Variants in HIP1 observed in about 807,000 individuals in gnomAD.
HIP1 encodes huntingtin-interacting protein 1.
HIP1 carries 65 observed loss-of-function variants against 147.6 expected under a neutral mutation model. That is an observed-to-expected ratio of 0.44 (90% CI 0.36 to 0.54). HIP1 has a LOEUF of 0.54. HIP1 is among the 20% of genes least tolerant of loss of function. The pLI is 0.00. For synonymous variants in HIP1, 479 were observed against 504.0 expected, an observed-to-expected ratio of 0.95 and a Z score of 0.67; for missense variants, 1,061 against 1,299.6, an observed-to-expected ratio of 0.82 and a Z score of 2.82.
chr7:75,621,921 C>G (rs587725690), intron 1 of HIP1, among the ~76,000 whole-genome samples: 52 of 152,248 alleles, frequency 3.4e-4, no homozygotes, highest in African/African-American at 1.2e-3. Flanking sequence ...TTAGACATGA[C>G]ACACCCACCA....
chr7:75,541,510 G>A lies in HIP1; in HGVS notation c.2952+409C>T, dbSNP rs782185092. On this transcript the variant is annotated intron_variant, in intron 29 of 30. Coordinates refer to ENST00000336926, the MANE Select transcript of HIP1 (RefSeq NM_005338.7). ...CACACCACTGCACTCCAGCCTGGGC[G>A]ACAGAGCAAGACTCCGTCTCAAAAA... 3.3e-5 allele frequency among the ~76,000 whole-genome samples: 5 copies of A among 149,600 alleles called. 1 individual carries two copies. Among genetic ancestry groups the A allele is most frequent in the African/African-American group, 1.2e-4 (5 of 40,534 alleles).
intron 1 of HIP1, among the ~76,000 whole-genome samples, chr7:75,664,676 A>G: frequency 6.6e-6 from 1 of 151,844 alleles, no homozygotes; most frequent in East Asian, 1.9e-4. Flanking sequence ...GCTGGAGTGC[A>G]GTAGTACAAT....
chr7:75,694,128 C>T, intron 1 of HIP1, among the ~76,000 whole-genome samples: 1 of 152,020 alleles, frequency 6.6e-6, no homozygotes, highest in East Asian at 1.9e-4. Context: ...CCATGTTGGC[C>T]AGGCTTGTTT....
At position 75,556,113 on chromosome 7, in the gene HIP1, C is replaced by G. The variant is rs144554017; in HGVS notation, c.1740G>C (p.Leu580=). 6 of 1,614,064 alleles carry G rather than the reference C, an allele frequency of 3.7e-6. No individual in the cohort carries two copies. In the African/African-American group the frequency reaches 5.3e-5, roughly 14 times the overall value. ...FAELEKERDS[L]VSGAAHREEE... ...CCTCCCTATGAGCTGCGCCACTCAC[C>G]AGGCTGTCCCGCTCCTTCTCTAGCT... The change falls in exon 18 of 31, where the codon CTG becomes CTC. Residue 580 remains leucine (L), a synonymous_variant. Coordinates refer to ENST00000336926, the MANE Select transcript of HIP1 (RefSeq NM_005338.7).
chr7:75,641,488 G>A (rs1584912493), intron 1 of HIP1, among the ~76,000 whole-genome samples: 1 of 110,886 alleles, frequency 9.0e-6, no homozygotes, highest in African/African-American at 4.1e-5. Context: ...TTTGCTCCTT[G>A]TTTGCTTTTT....
intron 16 of HIP1, among the ~76,000 whole-genome samples, 169 bp downstream of exon 16, chr7:75,557,485 T>G (rs1244434882): frequency 6.6e-6 from 1 of 152,194 alleles, no homozygotes; most frequent in African/African-American, 2.4e-5. Context: ...ACTTCGTGTA[T>G]GCACTGGTGA....
At chr7:75,658,722 C>G (rs1554513144) in intron 1 of HIP1, among the ~76,000 whole-genome samples, 1 of 151,882 alleles carries the variant, frequency 6.6e-6, no homozygotes, top group African/African-American at 2.4e-5. Flanking sequence ...TCCAGACCAG[C>G]CTGGCAACGC....
chr7:75,688,463 C>A (rs943997114), intron 1 of HIP1, among the ~76,000 whole-genome samples: 6 of 151,354 alleles, frequency 4.0e-5, no homozygotes, highest in African/African-American at 9.7e-5. Flanking sequence ...AGCCCCTCGA[C>A]GGGTGGGGGA....
At position 75,537,836 on chromosome 7, in the gene HIP1, T is replaced by G. The variant is rs1584764570; in HGVS notation, c.*336A>C. The G allele has an allele frequency of 2.9e-6, 1 of 341,450 alleles. No individual in the cohort carries two copies. The highest frequency in any genetic ancestry group is 5.4e-6 in the Non-Finnish European group (1 of 184,960). The allele number at this position is 341,450 out of a possible 1,614,324, so 21.2% of individuals were successfully genotyped here. On this transcript the variant is annotated 3_prime_UTR_variant, in exon 31 of 31. Coordinates refer to ENST00000336926, the MANE Select transcript of HIP1 (RefSeq NM_005338.7). ...TTAAGGATACCCATTGTTGTGGGGG[T>G]CAAATAGTCAGCAGGACTGGATGTT... is the stretch of plus-strand genomic sequence containing the variant.
chr7:75,727,271 T>A (rs1801679163), intron 1 of HIP1, among the ~76,000 whole-genome samples: 1 of 151,862 alleles, frequency 6.6e-6, no homozygotes, highest in African/African-American at 2.4e-5. Flanking sequence ...AGTTTTTGTA[T>A]TTTTTGTACA....
chr7:75,710,577 A>T (rs1193065667), intron 1 of HIP1, among the ~76,000 whole-genome samples: 1 of 152,182 alleles, frequency 6.6e-6, no homozygotes, highest in Admixed American at 6.6e-5. Flanking sequence ...CTTGAGAAGA[A>T]CTGGTGTTAG....
rs782057128 is a variant in HIP1, at chr7:75,736,064, T to TC, written c.120+2736_120+2737insG. Among the ~76,000 whole-genome samples the TC allele has an allele frequency of 3.4e-3, 488 of 143,928 alleles. 7 individuals carry two copies. Among genetic ancestry groups the TC allele is most frequent in the Admixed American group, 0.017 (247 of 14,214 alleles). The allele number at this position is 143,928 out of a possible 152,430, so 94.4% of individuals were successfully genotyped here. ...GGGAAAACACAGTGAGACCTCCGTC[T>TC]TAAAAAAAAAAAAAGTTAAAAATAA... On this transcript the variant is annotated intron_variant, in intron 1 of 30. Coordinates refer to ENST00000336926, the MANE Select transcript of HIP1 (RefSeq NM_005338.7).
Position 75,563,262 on chromosome 7 carries a change from A to G in HIP1, c.805T>C (p.Leu269=), listed in dbSNP as rs187769055. 20 of 1,614,122 alleles carry G rather than the reference A, an allele frequency of 1.2e-5. No homozygotes were observed. Among genetic ancestry groups the G allele is most frequent in the Admixed American group, 5.0e-5 (3 of 60,022 alleles). Residue 269 remains leucine (L), a splice_region_variant and synonymous_variant, in exon 10 of 31, where the codon TTG becomes CTG. Transcript: ENST00000336926. ...CTGGAGCGGTAGAACAGATCTTTCA[A>G]CCTAGGGGTGGAGAAGGACCTGAGG... ...RDRFMEQFTK[L]KDLFYRSSNL... is the part of the protein sequence containing the mutation.
chr7:75,586,953 TATTTA>T, intron 4 of HIP1, 120 bp from the exon 5 acceptor site: 1 of 696,824 alleles, frequency 1.4e-6, no homozygotes, highest in East Asian at 2.8e-5. Flanking sequence ...TTATTTTATT[TATTTA>T]GAGATGGGGT....
At chr7:75,663,921 T>G in intron 1 of HIP1, among the ~76,000 whole-genome samples, 1 of 136,950 alleles carries the variant, frequency 7.3e-6, no homozygotes, top group Non-Finnish European at 1.6e-5. Flanking sequence ...CTTCCATTAT[T>G]TTATGTATGT....
chr7:75,599,301 G>C (rs587648305), intron 1 of HIP1, 54 bp from the exon 2 acceptor site: 1 of 1,346,714 alleles, frequency 7.4e-7, no homozygotes, highest in Admixed American at 1.7e-5. Context: ...AAGCCTCTGA[G>C]AGTGGCTGAG....
intron 1 of HIP1, among the ~76,000 whole-genome samples, chr7:75,612,041 C>G (rs1797456835): frequency 6.6e-6 from 1 of 152,246 alleles, no homozygotes. Context: ...ATACACACAG[C>G]TCTTGGCAGA....
chr7:75,545,801 G>C (rs587691343), intron 25 of HIP1, among the ~76,000 whole-genome samples: 1 of 149,458 alleles, frequency 6.7e-6, no homozygotes, highest in East Asian at 2.0e-4. Flanking sequence ...AAAATTAGCT[G>C]GGCGTGGTGT....
Position 75,533,839 on chromosome 7 carries a change from TGC to T in HIP1, c.*4331_*4332del, listed in dbSNP as rs1793987576. On this transcript the variant is annotated 3_prime_UTR_variant, in exon 31 of 31. Transcript: ENST00000336926. The stretch of plus-strand genomic sequence containing the variant: ...TTTGGCAGCAAACAGCTGGCTGGTT[TGC>T]TGCGCCGATGGCTGGCAGGTCCGTG... 1 of 235,612 alleles carries T rather than the reference TGC, an allele frequency of 4.2e-6. No individual in the cohort carries two copies. The highest frequency in any genetic ancestry group is 8.4e-6 in the Non-Finnish European group (1 of 119,434). 14.6% of individuals were successfully genotyped at this position (235,612 alleles called of 1,614,324 possible). A position where few individuals can be genotyped will look rare whatever the true frequency, so the allele number is the denominator to read the frequency against.
Sources: gnomAD v4.1 joint callset for allele counts (sites outside exome capture counted in the v4.1 genomes callset) on GRCh38, gnomAD v4.1.1 for gene constraint, MANE v1.5 for transcripts, NCBI Gene and HGNC (gene_info 2026-07-23, HGNC 2026-07-21) for gene names.